Variants in GRK5 observed in about 807,000 individuals in gnomAD.
GRK5 encodes the protein g protein-coupled receptor kinase GRK5.
Under a neutral mutation model 78.4 loss-of-function variants are expected in GRK5, and 40 were observed. The observed-to-expected ratio is 0.51, with a 90% CI of 0.40 to 0.66. GRK5 has a LOEUF of 0.66. Ranked by LOEUF, GRK5 falls within the 30% of genes least tolerant of loss-of-function variation. The pLI is 0.00. For synonymous variants in GRK5, 289 were observed against 296.8 expected (o/e 0.97, Z 0.27); for missense variants, 598 against 759.9 (o/e 0.79, Z 2.50).
chr10:119,229,807 T>C (rs576607269), intron 1 of GRK5, among the ~76,000 whole-genome samples: 13 of 152,300 alleles, frequency 8.5e-5, no homozygotes, highest in Admixed American at 8.5e-4. Flanking sequence ...GGCCCCTAAC[T>C]GGTGCAGGCT....
intron 1 of GRK5, among the ~76,000 whole-genome samples, chr10:119,296,761 G>A (rs1006904372): frequency 1.3e-5 from 2 of 152,192 alleles, no homozygotes; most frequent in African/African-American, 4.8e-5. Context: ...GAGGGGGGTT[G>A]TATATATAAT....
intron 1 of GRK5, among the ~76,000 whole-genome samples, chr10:119,215,431 A>T (rs780779066): frequency 6.7e-5 from 10 of 148,740 alleles, no homozygotes; most frequent in Non-Finnish European, 1.3e-4. Context: ...GGAGAGAGAC[A>T]GTGTGGAGGA....
intron 13 of GRK5, among the ~76,000 whole-genome samples, chr10:119,450,505 G>A (rs1052738160): frequency 3.3e-5 from 5 of 152,198 alleles, no homozygotes; most frequent in African/African-American, 9.6e-5. Context: ...AGAGTAGCGG[G>A]GCCTCCGTGC....
At chr10:119,417,801 G>A (rs530421040) in intron 4 of GRK5, among the ~76,000 whole-genome samples, 34 of 152,320 alleles carry the variant, frequency 2.2e-4, no homozygotes, top group African/African-American at 8.2e-4. Context: ...CACCCTAGGC[G>A]TACTTCATCC....
intron 1 of GRK5, among the ~76,000 whole-genome samples, chr10:119,299,148 G>T (rs1850131810): frequency 6.6e-6 from 1 of 152,178 alleles, no homozygotes; most frequent in Admixed American, 6.5e-5. Context: ...TAGGAGGCTT[G>T]AAATTATCTT....
Position 119,415,470 on chromosome 10 carries a change from T to C in GRK5, c.340-7696T>C, listed in dbSNP as rs543094644. Among the ~76,000 whole-genome samples, 13 of 152,270 alleles carry C rather than the reference T, an allele frequency of 8.5e-5. No individual in the cohort carries two copies. The East Asian group carries it at 2.5e-3, about 29-fold the overall frequency. On this transcript the variant is annotated intron_variant, in intron 4 of 15. Coordinates refer to ENST00000392870, the MANE Select transcript of GRK5 (RefSeq NM_005308.3). ...TCCTATAGGCATTGGGGGCCGCTGA[T>C]GCTGTGTGGTGCAGAAAAACTCCTT...
rs76422636 is a variant in GRK5, at chr10:119,207,705, AGCGGCGGCG to A, written c.-192_-184del. On this transcript the variant is annotated 5_prime_UTR_variant, in exon 1 of 16. Coordinates refer to ENST00000392870, the MANE Select transcript of GRK5 (RefSeq NM_005308.3). ...GAGGGGGGACACAGAGGGAGGAAGA[AGCGGCGGCG>A]GCGGCGGCGGCGGCGGCGGCTCCTC... 2.5e-3 allele frequency: 1,099 copies of A among 432,198 alleles called. No homozygotes were observed. The highest frequency in any genetic ancestry group is 4.2e-3 in the African/African-American group (164 of 39,202). The allele number at this position is 432,198 out of a possible 1,614,324, so 26.8% of individuals were successfully genotyped here.
intron 3 of GRK5, among the ~76,000 whole-genome samples, chr10:119,383,573 A>G (rs1851747596): frequency 2.0e-5 from 3 of 152,242 alleles, no homozygotes; most frequent in Non-Finnish European, 4.4e-5. Flanking sequence ...TTTCTAAAAT[A>G]CCAAACTGGT....
At chr10:119,236,504 G>A (rs1195166199) in intron 1 of GRK5, among the ~76,000 whole-genome samples, 3 of 152,078 alleles carry the variant, frequency 2.0e-5, no homozygotes, top group African/African-American at 7.2e-5. Flanking sequence ...GTGAGCCACT[G>A]CGCCTGGCCC....
intron 1 of GRK5, among the ~76,000 whole-genome samples, chr10:119,236,491 G>A (rs918534960): frequency 2.6e-5 from 4 of 152,050 alleles, no homozygotes; most frequent in Non-Finnish European, 5.9e-5. Flanking sequence ...TGGGATTACA[G>A]GCGTGAGCCA....
intron 2 of GRK5, among the ~76,000 whole-genome samples, chr10:119,354,389 C>CATCT (rs1163202622): frequency 7.1e-6 from 1 of 141,142 alleles, no homozygotes; most frequent in East Asian, 2.1e-4. Context: ...TTGTGCCCTA[C>CATCT]ATCTCCTTTT....
chr10:119,294,291 T>C (rs1432381603), intron 1 of GRK5, among the ~76,000 whole-genome samples: 1 of 152,196 alleles, frequency 6.6e-6, no homozygotes, highest in Non-Finnish European at 1.5e-5. Context: ...CCACAAGGCC[T>C]GATCCAACCC....
At chr10:119,281,643 A>T (rs1849765059) in intron 1 of GRK5, among the ~76,000 whole-genome samples, 1 of 152,044 alleles carries the variant, frequency 6.6e-6, no homozygotes, top group East Asian at 1.9e-4. Flanking sequence ...TGAGCCTTTG[A>T]AGCTGGCAGG....
intron 1 of GRK5, among the ~76,000 whole-genome samples, chr10:119,232,253 C>T (rs916158202): frequency 5.3e-5 from 8 of 152,044 alleles, no homozygotes; most frequent in African/African-American, 1.9e-4. Flanking sequence ...TATGTGTTCT[C>T]ACTTATACGT....
At chr10:119,339,714 G>A (rs1404266424) in intron 2 of GRK5, among the ~76,000 whole-genome samples, 1 of 152,114 alleles carries the variant, frequency 6.6e-6, no homozygotes, top group Non-Finnish European at 1.5e-5. Flanking sequence ...GCAACATGGC[G>A]AAACCTAGTC....
intron 6 of GRK5, among the ~76,000 whole-genome samples, chr10:119,429,830 G>T (rs1365990261): frequency 6.6e-6 from 1 of 152,156 alleles, no homozygotes; most frequent in African/African-American, 2.4e-5. Context: ...CTGAGGCCGG[G>T]TCTTCTGGGC....
rs563825373 is a variant in GRK5, at chr10:119,426,983, A to G, written c.533+1898A>G. Among the ~76,000 whole-genome samples the G allele has an allele frequency of 3.7e-3, 569 of 152,170 alleles. 2 individuals are homozygous for G. Among genetic ancestry groups the G allele is most frequent in the Non-Finnish European group, 5.9e-3 (398 of 68,012 alleles). On this transcript the variant is annotated intron_variant, in intron 6 of 15. Coordinates refer to ENST00000392870, the MANE Select transcript of GRK5 (RefSeq NM_005308.3). ...TGCCATAAACAGCATCACCGCCATCAACATCACCACCATCAACAGCATCAC... is the reference window on the plus strand; with the variant it reads ...TGCCATAAACAGCATCACCGCCATCGACATCACCACCATCAACAGCATCAC...
At chr10:119,374,464 G>A (rs958108479) in intron 2 of GRK5, among the ~76,000 whole-genome samples, 8 of 152,186 alleles carry the variant, frequency 5.3e-5, no homozygotes, top group East Asian at 1.9e-4. Context: ...GAGGACAGGG[G>A]CCCCTTGGCT....
At chr10:119,442,909 G>GA (rs1195522275) in intron 11 of GRK5, among the ~76,000 whole-genome samples, 11 of 152,054 alleles carry the variant, frequency 7.2e-5, no homozygotes, top group South Asian at 2.1e-4. Context: ...TGGATGGATG[G>GA]TTGGATGGAT....
Sources: gnomAD v4.1 joint callset for allele counts (sites outside exome capture counted in the v4.1 genomes callset) on GRCh38, gnomAD v4.1.1 for gene constraint, MANE v1.5 for transcripts, NCBI Gene and HGNC (gene_info 2026-07-23, HGNC 2026-07-21) for gene names.